Variants in TGFBR2 observed in about 807,000 individuals in gnomAD.
TGFBR2 encodes the protein TGF-beta receptor type-2.
TGFBR2 carries 18 observed loss-of-function variants against 49.0 expected under a neutral mutation model. That is an observed-to-expected ratio of 0.37 (90% CI 0.25 to 0.54). The LOEUF (loss-of-function observed/expected upper bound fraction) is 0.54. TGFBR2 is among the 20% of genes least tolerant of loss of function. The pLI, the probability that TGFBR2 is intolerant of heterozygous loss-of-function variation, is 0.85. For synonymous variants in TGFBR2, 282 were observed against 275.9 expected (o/e 1.02, Z -0.22); for missense variants, 525 against 722.6 (o/e 0.73, Z 3.13).
At chr3:30,623,383 T>A (rs1575133951) in intron 1 of TGFBR2, 3 of 1,327,120 alleles carry the variant, frequency 2.3e-6, no homozygotes, top group East Asian at 4.6e-5. Context: ...CTCCTCGTAT[T>A]TTCATATTTT....
chr3:30,653,949 C>T (rs954194978), intron 3 of TGFBR2, among the ~76,000 whole-genome samples: 1 of 152,194 alleles, frequency 6.6e-6, no homozygotes, highest in East Asian at 1.9e-4. Context: ...AAATTTAACA[C>T]TTTGTCTACA....
chr3:30,619,134 A>G (rs1459376136), intron 1 of TGFBR2, among the ~76,000 whole-genome samples: 1 of 152,164 alleles, frequency 6.6e-6, no homozygotes, highest in Non-Finnish European at 1.5e-5. Flanking sequence ...TGCAACTCAT[A>G]TCTCATGGTG....
intron 2 of TGFBR2, among the ~76,000 whole-genome samples, chr3:30,648,055 C>T (rs1203726998): frequency 1.3e-5 from 2 of 151,982 alleles, no homozygotes; most frequent in African/African-American, 4.8e-5. Context: ...GCAAATGTTG[C>T]AGGACAAAAA....
At chr3:30,607,086 A>G in intron 1 of TGFBR2, 109 bp downstream of exon 1, 1 of 945,462 alleles carries the variant, frequency 1.1e-6, no homozygotes, top group East Asian at 2.9e-5. Context: ...CCCGGGCGGA[A>G]ACGAGGAAAG....
chr3:30,656,735 A>G (rs1699008641), intron 3 of TGFBR2, among the ~76,000 whole-genome samples: 1 of 152,348 alleles, frequency 6.6e-6, no homozygotes, highest in South Asian at 2.1e-4. Context: ...TTATTCTAGA[A>G]AATGAGAGGC....
intron 1 of TGFBR2, among the ~76,000 whole-genome samples, chr3:30,614,007 A>G (rs1293415325): frequency 6.6e-6 from 1 of 152,222 alleles, no homozygotes; most frequent in African/African-American, 2.4e-5. Context: ...CATTAAAGAA[A>G]AAATGAGTTA....
chr3:30,691,394 C>A, intron 6 of TGFBR2, 26 bp from the exon 7 acceptor site: 1 of 1,613,438 alleles, frequency 6.2e-7, no homozygotes. Context: ...ACTCATGGTG[C>A]CCTTTGGATC....
intron 1 of TGFBR2, among the ~76,000 whole-genome samples, chr3:30,618,236 T>G (rs1441471382): frequency 6.6e-6 from 1 of 151,130 alleles, no homozygotes; most frequent in African/African-American, 2.4e-5. Context: ...TTCTTGTTTT[T>G]TTTTTTTTTT....
At chr3:30,663,013 C>A (rs1391416192) in intron 3 of TGFBR2, among the ~76,000 whole-genome samples, 3 of 152,090 alleles carry the variant, frequency 2.0e-5, no homozygotes, top group Non-Finnish European at 4.4e-5. Context: ...AGTAAGTTCC[C>A]AGGGGATGCT....
intron 1 of TGFBR2, among the ~76,000 whole-genome samples, chr3:30,633,810 A>G (rs1698480166): frequency 6.6e-6 from 1 of 152,228 alleles, no homozygotes; most frequent in Non-Finnish European, 1.5e-5. Flanking sequence ...AGTTCAGGCC[A>G]AACAGAACAC....
chr3:30,664,479 A>T (rs774269389), intron 3 of TGFBR2, among the ~76,000 whole-genome samples: 11 of 152,116 alleles, frequency 7.2e-5, no homozygotes, highest in Non-Finnish European at 1.5e-4. Flanking sequence ...TTACATAAAT[A>T]TTTTTTTAAA....
chr3:30,678,644 G>A lies in TGFBR2; in HGVS notation c.1396+4398G>A, dbSNP rs3821671. ...TCCAGTGAAAACAGCTAATCTACAT[G>A]ACAAGTATAGTGGATCTACCCACTG... On this transcript the variant is annotated intron_variant, in intron 5 of 6. Coordinates refer to ENST00000295754, the MANE Select transcript of TGFBR2 (RefSeq NM_003242.6). Among the ~76,000 whole-genome samples the A allele has an allele frequency of 0.026, 3,937 of 151,522 alleles. 276 individuals carry two copies. In the East Asian group the frequency reaches 0.3, roughly 11 times the overall value.
chr3:30,660,972 A>G (rs138261490), intron 3 of TGFBR2, among the ~76,000 whole-genome samples: 2 of 152,148 alleles, frequency 1.3e-5, no homozygotes, highest in African/African-American at 4.8e-5. Flanking sequence ...AGCCAGGGAG[A>G]GAGAGAGGAT....
At chr3:30,671,409 A>G (rs549512147) in intron 3 of TGFBR2, among the ~76,000 whole-genome samples, 1 of 152,362 alleles carries the variant, frequency 6.6e-6, no homozygotes, top group South Asian at 2.1e-4. Context: ...AAGCAGTGAC[A>G]TTTAAGCTGA....
chr3:30,640,333 GA>G (rs974974526), intron 1 of TGFBR2, among the ~76,000 whole-genome samples: 3 of 152,112 alleles, frequency 2.0e-5, no homozygotes, highest in African/African-American at 7.2e-5. Context: ...ATTAGGGGTA[GA>G]AAATTCTCTA....
At chr3:30,691,324 G>C (rs1285765296) in intron 6 of TGFBR2, 96 bp from the exon 7 acceptor site, 5 of 1,396,320 alleles carry the variant, frequency 3.6e-6, no homozygotes, top group Non-Finnish European at 5.0e-6. Context: ...TTTGGACCCT[G>C]CTTGCACTCA....
intron 3 of TGFBR2, among the ~76,000 whole-genome samples, chr3:30,669,029 G>A (rs1699291331): frequency 6.8e-6 from 1 of 147,736 alleles, no homozygotes; most frequent in Non-Finnish European, 1.5e-5. Context: ...TGTAATCCCA[G>A]CACTTTTGGA....
At chr3:30,682,113 T>G (rs766497113) in intron 5 of TGFBR2, among the ~76,000 whole-genome samples, 2 of 152,118 alleles carry the variant, frequency 1.3e-5, no homozygotes, top group African/African-American at 2.4e-5. Context: ...TTCTGCCTGT[T>G]CCTCCTGGAG....
Position 30,650,389 on chromosome 3 carries a change from A to G in TGFBR2, c.383A>G (p.Lys128Arg), listed in dbSNP as rs1698858782. 2 of 1,614,002 alleles carry G rather than the reference A, an allele frequency of 1.2e-6. No homozygotes were observed. Among genetic ancestry groups the G allele is most frequent in the East Asian group, 4.5e-5 (2 of 44,882 alleles). Residue 128 changes from lysine to arginine, a missense_variant, in exon 3 of 7, where the codon AAG (lysine) becomes AGG (arginine). This residue lies in a region of TGFBR2 where 376 missense variants were observed against 478.2 expected (regional missense o/e 0.79). Coordinates refer to ENST00000295754, the MANE Select transcript of TGFBR2 (RefSeq NM_003242.6). ...AAGTGCATTATGAAGGAAAAAAAAA[A>G]GCCTGGTGAGACTTTCTTCATGTGT... ...SPKCIMKEKKKPGETFFMCSC... is the reference protein window; with the variant it reads ...SPKCIMKEKKRPGETFFMCSC...
Sources: gnomAD v4.1 joint callset for allele counts (sites outside exome capture counted in the v4.1 genomes callset) on GRCh38, gnomAD v4.1.1 for gene constraint, gnomAD v4.1.1 regional missense constraint, MANE v1.5 for transcripts, NCBI Gene and HGNC (gene_info 2026-07-23, HGNC 2026-07-21) for gene names.